Variants in PTPRR observed in about 807,000 individuals in gnomAD.
PTPRR encodes the protein receptor-type tyrosine-protein phosphatase R.
In PTPRR, 38 loss-of-function variants were observed where a neutral mutation model predicts 77.2. The observed-to-expected ratio is 0.49, with a 90% CI of 0.38 to 0.65. PTPRR has a LOEUF of 0.65. PTPRR is among the 30% of genes least tolerant of loss of function. PTPRR has a pLI of 0.00. For missense variants in PTPRR, 744 were observed against 799.2 expected, an observed-to-expected ratio of 0.93 and a Z score of 0.83; for synonymous variants, 299 against 283.1, an observed-to-expected ratio of 1.06 and a Z score of -0.57.
intron 2 of PTPRR, among the ~76,000 whole-genome samples, chr12:70,889,733 G>T (rs905365583): frequency 6.6e-6 from 1 of 151,686 alleles, no homozygotes. Context: ...TTCTCCCCCC[G>T]CTTCTTTTTC....
At chr12:70,683,281 A>G (rs1887741712) in intron 10 of PTPRR, among the ~76,000 whole-genome samples, 1 of 152,196 alleles carries the variant, frequency 6.6e-6, no homozygotes, top group Admixed American at 6.5e-5. Context: ...TAGACTGTAA[A>G]TAATCCCAGT....
chr12:70,814,068 C>T (rs962690473), intron 2 of PTPRR, among the ~76,000 whole-genome samples: 9 of 152,080 alleles, frequency 5.9e-5, no homozygotes, highest in Non-Finnish European at 1.5e-5. Flanking sequence ...CAAAATTAAC[C>T]GTAGATCAGT....
At chr12:70,905,924 A>G (rs1225775911) in intron 1 of PTPRR, among the ~76,000 whole-genome samples, 1 of 152,020 alleles carries the variant, frequency 6.6e-6, no homozygotes, top group East Asian at 1.9e-4. Flanking sequence ...CTTCTTCTCT[A>G]GAAAGGAGAG....
At chr12:70,789,099 T>G in intron 2 of PTPRR, 1 of 445,330 alleles carries the variant, frequency 2.2e-6, no homozygotes, top group Non-Finnish European at 3.9e-6. Flanking sequence ...GATTTTTTTT[T>G]TCCATGGGAA....
intron 2 of PTPRR, among the ~76,000 whole-genome samples, chr12:70,796,767 C>T (rs151264331): frequency 7.2e-5 from 11 of 152,236 alleles, no homozygotes; most frequent in African/African-American, 1.7e-4. Flanking sequence ...TGGTGGCTCA[C>T]GCCTGTAATC....
intron 10 of PTPRR, among the ~76,000 whole-genome samples, chr12:70,663,475 T>G (rs184137742): frequency 1.3e-5 from 2 of 152,318 alleles, no homozygotes; most frequent in African/African-American, 2.4e-5. Flanking sequence ...AACATGTTAT[T>G]ATTGCTGTTG....
intron 8 of PTPRR, 152 bp from the exon 9 acceptor site, chr12:70,684,935 T>G: frequency 1.9e-6 from 1 of 529,522 alleles, no homozygotes; most frequent in Admixed American, 3.6e-5. Context: ...TTGATCCATA[T>G]GTTTATTGAG....
intron 2 of PTPRR, 88 bp from the exon 3 acceptor site, chr12:70,764,866 C>G: frequency 1.0e-6 from 1 of 967,292 alleles, no homozygotes. Context: ...TTAATAAGTT[C>G]ACGACATTCA....
At chr12:70,870,774 C>T (rs998868827) in intron 2 of PTPRR, among the ~76,000 whole-genome samples, 2 of 152,206 alleles carry the variant, frequency 1.3e-5, no homozygotes, top group African/African-American at 2.4e-5. Context: ...GTGCTTGTGG[C>T]ATTCAGCAGT....
intron 1 of PTPRR, among the ~76,000 whole-genome samples, chr12:70,916,174 A>G (rs1893772474): frequency 6.6e-6 from 1 of 152,148 alleles, no homozygotes; most frequent in Admixed American, 6.5e-5. Flanking sequence ...GAAATATGAA[A>G]TAGAATAACC....
intron 2 of PTPRR, among the ~76,000 whole-genome samples, chr12:70,801,467 G>A (rs1004333306): frequency 6.6e-6 from 1 of 152,206 alleles, no homozygotes; most frequent in Non-Finnish European, 1.5e-5. Context: ...CCTCCCCCAA[G>A]TAAGAAATAA....
At chr12:70,829,597 G>A (rs542887182) in intron 2 of PTPRR, among the ~76,000 whole-genome samples, 128 of 152,262 alleles carry the variant, frequency 8.4e-4, no homozygotes, top group African/African-American at 2.5e-3. Flanking sequence ...AAGAAAATGC[G>A]TCCTTTGAAA....
rs542652858 is a variant in PTPRR at position 70,705,509 on chromosome 12, T to A, written c.1008-4186A>T. ...TTTAGCAACCAATAAAGAATGGAAA[T>A]GGAAGAGGACAAAATGAAACAGATG... On this transcript the variant is annotated intron_variant, in intron 6 of 13. Transcript: ENST00000283228. Among the ~76,000 whole-genome samples, 286 of 151,506 alleles carry A rather than the reference T, an allele frequency of 1.9e-3. 1 individual carries two copies. Among genetic ancestry groups the A allele is most frequent in the African/African-American group, 6.6e-3 (273 of 41,318 alleles).
At chr12:70,865,962 A>T (rs933077147) in intron 2 of PTPRR, among the ~76,000 whole-genome samples, 5 of 152,178 alleles carry the variant, frequency 3.3e-5, no homozygotes, top group Non-Finnish European at 5.9e-5. Context: ...TGAAGGCAGA[A>T]ATAAAGATGT....
At chr12:70,858,497 T>G (rs1036483539) in intron 2 of PTPRR, among the ~76,000 whole-genome samples, 2 of 152,060 alleles carry the variant, frequency 1.3e-5, no homozygotes, top group Non-Finnish European at 2.9e-5. Flanking sequence ...TACCTCCCTT[T>G]ATTCTGATCC....
intron 2 of PTPRR, among the ~76,000 whole-genome samples, chr12:70,817,333 T>C (rs562355548): frequency 1.5e-4 from 23 of 152,298 alleles, no homozygotes; most frequent in African/African-American, 3.6e-4. Flanking sequence ...TAGAGAAAGA[T>C]GCCAATGGAT....
intron 2 of PTPRR, among the ~76,000 whole-genome samples, chr12:70,805,444 C>T (rs2137024818): frequency 6.6e-6 from 1 of 152,098 alleles, no homozygotes; most frequent in East Asian, 1.9e-4. Context: ...ATCCTGGGCT[C>T]CTGGGCTTAA....
At chr12:70,892,571 G>T in intron 2 of PTPRR, 108 bp downstream of exon 2, 1 of 1,293,682 alleles carries the variant, frequency 7.7e-7, no homozygotes, top group Non-Finnish European at 1.1e-6. Context: ...GTACATACCC[G>T]TTGGGATTCA....
At chr12:70,765,764 C>A (rs1031583358) in intron 2 of PTPRR, among the ~76,000 whole-genome samples, 11 of 152,210 alleles carry the variant, frequency 7.2e-5, no homozygotes, top group African/African-American at 1.7e-4. Context: ...GGCACCCCCC[C>A]AGAAGGGGCA....
Sources: allele counts gnomAD v4.1 joint callset (sites outside exome capture counted in the v4.1 genomes callset), GRCh38; gene constraint gnomAD v4.1.1; transcripts MANE v1.5; gene names NCBI Gene and HGNC (gene_info 2026-07-23, HGNC 2026-07-21).